Variants in CRTAC1 observed in about 807,000 individuals in gnomAD.
The protein encoded by CRTAC1 is acidic secreted protein in cartilage.
Under a neutral mutation model 67.8 loss-of-function variants are expected in CRTAC1, and 37 were observed. That is an observed-to-expected ratio of 0.55 (90% CI 0.42 to 0.72). The LOEUF (loss-of-function observed/expected upper bound fraction) is 0.72. CRTAC1 is among the 30% of genes least tolerant of loss of function. The probability of loss-of-function intolerance (pLI) is 0.00; values close to 1 mark genes in which losing one functional copy is unlikely to be tolerated. For synonymous variants in CRTAC1, 348 were observed against 371.0 expected, an observed-to-expected ratio of 0.94 and a Z score of 0.71; for missense variants, 780 against 931.6, an observed-to-expected ratio of 0.84 and a Z score of 2.12.
chr10:97,966,981 C>T (rs937638158), intron 2 of CRTAC1, among the ~76,000 whole-genome samples: 17 of 111,826 alleles, frequency 1.5e-4, no homozygotes, highest in Non-Finnish European at 3.1e-4. Flanking sequence ...TGTGTTTCTC[C>T]ATTGTAAAGT....
chr10:97,945,522 A>G lies in CRTAC1; in HGVS notation c.225-9156T>C, dbSNP rs559492195. Among the ~76,000 whole-genome samples the G allele has an allele frequency of 3.3e-5, 5 of 152,278 alleles. No homozygotes were observed. In the East Asian group the frequency reaches 9.6e-4, roughly 29 times the overall value. On this transcript the variant is annotated intron_variant, in intron 2 of 14. Coordinates refer to ENST00000370597, the MANE Select transcript of CRTAC1 (RefSeq NM_018058.7). ...ACATATGGGAAGACATTCAAACAGGAGATTCACAGAATGTATCCTGGAATA... is the reference window on the plus strand; with the variant it reads ...ACATATGGGAAGACATTCAAACAGGGGATTCACAGAATGTATCCTGGAATA...
At chr10:97,907,911 C>T in intron 6 of CRTAC1, 102 bp downstream of exon 6, 1 of 1,312,830 alleles carries the variant, frequency 7.6e-7, no homozygotes, top group Non-Finnish European at 1.1e-6. Context: ...TGCTCTCCCT[C>T]AGCCAGAAGA....
At chr10:97,997,903 A>T (rs1842615287) in intron 2 of CRTAC1, among the ~76,000 whole-genome samples, 2 of 152,218 alleles carry the variant, frequency 1.3e-5, no homozygotes, top group Non-Finnish European at 2.9e-5. Context: ...AAACTTGGAG[A>T]CTAGAATGAG....
intron 4 of CRTAC1, among the ~76,000 whole-genome samples, chr10:97,922,517 G>A (rs764784889): frequency 2.0e-5 from 3 of 152,218 alleles, no homozygotes; most frequent in Non-Finnish European, 4.4e-5. Flanking sequence ...CAAGGAGGTG[G>A]GTGGCAGGGG....
intron 2 of CRTAC1, among the ~76,000 whole-genome samples, chr10:98,005,100 A>ATTTTTTTTTTTTTTTTTTTTTT (rs10683960): frequency 1.0e-4 from 5 of 48,884 alleles, no homozygotes; most frequent in Non-Finnish European, 1.4e-4. Flanking sequence ...ATATATATAT[A>ATTTTTTTTTTTTTTTTTTTTTT]TTTTTTTTTT....
At chr10:97,950,285 A>G (rs949724977) in intron 2 of CRTAC1, among the ~76,000 whole-genome samples, 4 of 150,284 alleles carry the variant, frequency 2.7e-5, no homozygotes. Flanking sequence ...AGAGAGAGAG[A>G]GAGAGTATGG....
rs1318603806 is a variant in CRTAC1, at chr10:97,923,288, G to A, written c.534C>T (p.Arg178=). The change falls in exon 4 of 15, where the codon CGC becomes CGT. Residue 178 remains arginine (R), a synonymous_variant. Coordinates refer to ENST00000370597, the MANE Select transcript of CRTAC1 (RefSeq NM_018058.7). ...CCTTTCTGTCCACACAGGCCACAGA[G>A]CGTCCGGCAAAGAGGCTGGCCACAC... ...ARGVASLFAG[R]SVACVDRKGS... is the part of the protein sequence containing the mutation. 1 of 1,614,008 alleles carries A rather than the reference G, an allele frequency of 6.2e-7. No individual in the cohort carries two copies. The highest frequency in any genetic ancestry group is 8.5e-7 in the Non-Finnish European group (1 of 1,180,050).
intron 3 of CRTAC1, among the ~76,000 whole-genome samples, chr10:97,928,047 G>C (rs1335440207): frequency 1.3e-5 from 2 of 152,198 alleles, no homozygotes; most frequent in African/African-American, 4.8e-5. Context: ...GAGTCCCCTG[G>C]GGAAAGACAC....
intron 6 of CRTAC1, 36 bp downstream of exon 6, chr10:97,907,977 G>A (rs2050636373): frequency 2.5e-6 from 4 of 1,611,450 alleles, no homozygotes; most frequent in African/African-American, 1.3e-5. Flanking sequence ...TGGGGTGAGG[G>A]GTCAGGGTGC....
intron 6 of CRTAC1, among the ~76,000 whole-genome samples, chr10:97,906,284 G>A (rs1042247795): frequency 6.5e-4 from 99 of 152,260 alleles, no homozygotes; most frequent in African/African-American, 2.3e-3. Context: ...CAAACTCCTC[G>A]GCCCAAATGT....
chr10:97,908,263 T>TG (rs903386387), intron 5 of CRTAC1, 116 bp from the exon 6 acceptor site: 2 of 1,113,396 alleles, frequency 1.8e-6, no homozygotes, highest in African/African-American at 1.6e-5. Context: ...CAGAGGAGCC[T>TG]GGGGGGAATT....
intron 2 of CRTAC1, among the ~76,000 whole-genome samples, chr10:97,969,220 G>A (rs1448416444): frequency 6.6e-6 from 1 of 152,200 alleles, no homozygotes; most frequent in African/African-American, 2.4e-5. Context: ...ATTCACCCTT[G>A]AAAGTGAGGC....
intron 2 of CRTAC1, among the ~76,000 whole-genome samples, chr10:97,981,668 G>C (rs2051893811): frequency 6.6e-6 from 1 of 152,154 alleles, no homozygotes; most frequent in Non-Finnish European, 1.5e-5. Flanking sequence ...TAGAATTACA[G>C]AGTCAAAAGG....
intron 2 of CRTAC1, among the ~76,000 whole-genome samples, chr10:98,005,100 A>ATATATATATTTTTTTTTTTT: frequency 6.1e-5 from 3 of 48,884 alleles, no homozygotes; most frequent in African/African-American, 3.5e-4. Flanking sequence ...ATATATATAT[A>ATATATATATTTTTTTTTTTT]TTTTTTTTTT....
intron 5 of CRTAC1, among the ~76,000 whole-genome samples, chr10:97,915,961 C>T (rs1460778953): frequency 6.6e-6 from 1 of 152,098 alleles, no homozygotes; most frequent in African/African-American, 2.4e-5. Context: ...TCCATCCCCA[C>T]TGTGCTCCTC....
At chr10:97,955,904 G>C (rs1302142807) in intron 2 of CRTAC1, among the ~76,000 whole-genome samples, 1 of 152,198 alleles carries the variant, frequency 6.6e-6, no homozygotes, top group Non-Finnish European at 1.5e-5. Context: ...ACACCACAGG[G>C]AGCTGTGGGG....
At chr10:97,981,213 TA>T (rs900647835) in intron 2 of CRTAC1, among the ~76,000 whole-genome samples, 7 of 151,884 alleles carry the variant, frequency 4.6e-5, no homozygotes, top group African/African-American at 9.7e-5. Flanking sequence ...TTCCTGATTA[TA>T]AAAAAAAGTG....
chr10:97,932,043 C>G (rs2051011383), intron 3 of CRTAC1, among the ~76,000 whole-genome samples: 2 of 152,170 alleles, frequency 1.3e-5, no homozygotes, highest in Admixed American at 1.3e-4. Flanking sequence ...CCAGGCCCTC[C>G]TGGGATGGTG....
At chr10:97,944,122 A>G (rs1039739072) in intron 2 of CRTAC1, among the ~76,000 whole-genome samples, 5 of 152,142 alleles carry the variant, frequency 3.3e-5, no homozygotes, top group Non-Finnish European at 7.4e-5. Flanking sequence ...TGGGGGAAAA[A>G]GAAACTGAGA....
Sources: gnomAD v4.1 joint callset for allele counts (sites outside exome capture counted in the v4.1 genomes callset) on GRCh38, gnomAD v4.1.1 for gene constraint, MANE v1.5 for transcripts, NCBI Gene and HGNC (gene_info 2026-07-23, HGNC 2026-07-21) for gene names.